Variants in GAK observed in about 807,000 individuals in gnomAD.
GAK encodes cyclin-G-associated kinase.
Under a neutral mutation model 143.9 loss-of-function variants are expected in GAK, and 79 were observed. That is an observed-to-expected ratio of 0.55 (90% CI 0.46 to 0.66). The LOEUF (loss-of-function observed/expected upper bound fraction) is 0.66. Among genes scored for constraint, GAK ranks in the 30% least tolerant of loss-of-function variants. The pLI is 0.00. For missense variants in GAK, 1,693 were observed against 1,779.7 expected, an observed-to-expected ratio of 0.95 and a Z score of 0.88; for synonymous variants, 881 against 765.5, an observed-to-expected ratio of 1.15 and a Z score of -2.49.
At chr4:882,850 G>A (rs375440264) in intron 13 of GAK, 31 bp from the exon 14 acceptor site, 2 of 1,599,404 alleles carry the variant, frequency 1.3e-6, no homozygotes, top group Non-Finnish European at 1.7e-6. Flanking sequence ...GGCACGGACG[G>A]CAGAGGAGCC....
chr4:878,207 G>C (rs996759041), intron 15 of GAK, among the ~76,000 whole-genome samples: 1 of 152,104 alleles, frequency 6.6e-6, no homozygotes, highest in Non-Finnish European at 1.5e-5. Flanking sequence ...TGGGCAACAC[G>C]GTGAAACCCT....
At chr4:884,444 G>A (rs996688049) in intron 11 of GAK, 4 of 261,836 alleles carry the variant, frequency 1.5e-5, no homozygotes, top group South Asian at 9.0e-5. Flanking sequence ...GGGGAGGGCT[G>A]GAGAGCAAGG....
At chr4:858,534 G>C (rs914918680) in intron 24 of GAK, among the ~76,000 whole-genome samples, 1 of 152,262 alleles carries the variant, frequency 6.6e-6, no homozygotes, top group Non-Finnish European at 1.5e-5. Flanking sequence ...ACACAAGACA[G>C]AGGCCACAAA....
intron 19 of GAK, among the ~76,000 whole-genome samples, chr4:870,321 C>T (rs770874304): frequency 6.6e-6 from 1 of 152,184 alleles, no homozygotes; most frequent in African/African-American, 2.4e-5. Context: ...GCGACAGGAG[C>T]GAGGGTTCTG....
At chr4:912,115 G>A (rs750994566) in intron 3 of GAK, 19 of 464,124 alleles carry the variant, frequency 4.1e-5, no homozygotes, top group South Asian at 2.5e-4. Context: ...AGGCTGCGGC[G>A]TGGCTGTGTC....
chr4:883,912 CT>C, intron 12 of GAK, 124 bp downstream of exon 12: 1 of 959,378 alleles, frequency 1.0e-6, no homozygotes, highest in Non-Finnish European at 1.6e-6. Context: ...CAGGTCACCC[CT>C]GTGAGTCTGT....
chr4:923,996 C>G (rs1016599052), intron 1 of GAK, among the ~76,000 whole-genome samples: 1 of 151,726 alleles, frequency 6.6e-6, no homozygotes, highest in African/African-American at 2.4e-5. Flanking sequence ...ACCAGCCTGA[C>G]CAACATAGTG....
chr4:902,610 A>C (rs1466729336), intron 5 of GAK, among the ~76,000 whole-genome samples: 1 of 150,210 alleles, frequency 6.7e-6, no homozygotes, highest in Non-Finnish European at 1.5e-5. Context: ...AAAAAAAAAA[A>C]AAAACCCCAA....
chr4:860,567 C>G (rs1750089048), intron 23 of GAK, among the ~76,000 whole-genome samples: 1 of 152,196 alleles, frequency 6.6e-6, no homozygotes, highest in Non-Finnish European at 1.5e-5. Context: ...AGAAAGAAAT[C>G]AAACTGGCGA....
chr4:932,231 C>G lies in GAK; in HGVS notation c.-44G>C, dbSNP rs556340025. The G allele has an allele frequency of 6.7e-6, 10 of 1,486,624 alleles. No individual in the cohort carries two copies. In the African/African-American group the frequency reaches 1.2e-4, roughly 17 times the overall value. 92.1% of individuals were successfully genotyped at this position (1,486,624 alleles called of 1,614,324 possible). ...CCCCGCGGCAGCCGGAGTGGTCGGG[C>G]TCGGGCTCCCGCTCCCTCGCCGTCC... On this transcript the variant is annotated 5_prime_UTR_variant, in exon 1 of 28. Coordinates refer to ENST00000314167, the MANE Select transcript of GAK (RefSeq NM_005255.4). The surrounding 1 kb of genome is among the most constrained non-coding windows in gnomAD (Gnocchi z 4.0).
chr4:865,304 CG>C, intron 22 of GAK, 60 bp from the exon 23 acceptor site: 1 of 1,606,480 alleles, frequency 6.2e-7, no homozygotes. Flanking sequence ...GCAAATGTGG[CG>C]GGGCGCCAGG....
chr4:883,505 C>T (rs895086261), intron 12 of GAK, 42 bp from the exon 13 acceptor site: 2 of 1,605,592 alleles, frequency 1.2e-6, no homozygotes, highest in Non-Finnish European at 1.7e-6. Flanking sequence ...GAGATGCGCA[C>T]CTCGTGGCCA....
chr4:897,822 G>A (rs1184823946), intron 6 of GAK, among the ~76,000 whole-genome samples: 3 of 152,350 alleles, frequency 2.0e-5, no homozygotes, highest in South Asian at 2.1e-4. Flanking sequence ...GGTGGTGTGT[G>A]CCTGTAACCC....
chr4:893,051 T>C (rs1392815379), intron 9 of GAK, among the ~76,000 whole-genome samples: 1 of 152,044 alleles, frequency 6.6e-6, no homozygotes, highest in Non-Finnish European at 1.5e-5. Context: ...CATGCCACCC[T>C]CCTCTCTGTG....
chr4:864,862 G>A (rs942306910), intron 23 of GAK, among the ~76,000 whole-genome samples: 3 of 152,212 alleles, frequency 2.0e-5, no homozygotes, highest in Non-Finnish European at 2.9e-5. Flanking sequence ...GGACCCTTCG[G>A]GGGTGCTGCT....
At chr4:906,479 A>T (rs1721104789) in intron 4 of GAK, among the ~76,000 whole-genome samples, 1 of 152,078 alleles carries the variant, frequency 6.6e-6, no homozygotes, top group Non-Finnish European at 1.5e-5. Flanking sequence ...AGGGCTGAGG[A>T]CCTGCTGGGG....
intron 10 of GAK, among the ~76,000 whole-genome samples, chr4:889,296 C>A (rs966235371): frequency 1.3e-5 from 2 of 152,248 alleles, no homozygotes; most frequent in Non-Finnish European, 2.9e-5. Flanking sequence ...ACAGCTGGGG[C>A]TGGGACTCTG....
At position 866,437 on chromosome 4, in the gene GAK, C is replaced by T. The variant is rs1256024869; in HGVS notation, c.2970G>A (p.Val990=). Residue 990 remains valine, a synonymous_variant, in exon 22 of 28, where the codon GTG becomes GTA. Transcript: ENST00000314167. ...LFGEFLNSDS[V]TVPPSFPSAH... ...CAGACGGGAAGGATGGTGGGACGGT[C>T]ACAGAGTCCGAATTGAGAAATTCGC... 2 of 1,614,020 alleles carry T rather than the reference C, an allele frequency of 1.2e-6. No homozygotes were observed. The highest frequency in any genetic ancestry group is 1.3e-5 in the African/African-American group (1 of 74,936).
At chr4:916,596 C>A (rs999368439) in intron 1 of GAK, among the ~76,000 whole-genome samples, 4 of 152,170 alleles carry the variant, frequency 2.6e-5, no homozygotes, top group Non-Finnish European at 5.9e-5. Context: ...AAGTACACAA[C>A]GTGTCCCACC....
Sources: allele counts gnomAD v4.1 joint callset (sites outside exome capture counted in the v4.1 genomes callset), GRCh38; gene constraint gnomAD v4.1.1; non-coding constraint Gnocchi (gnomAD v3.1); transcripts MANE v1.5; gene names NCBI Gene and HGNC (gene_info 2026-07-23, HGNC 2026-07-21).